The following LRP6 variants were observed in gnomAD, a reference collection of about 807,000 sequenced individuals.
The protein encoded by LRP6 is low-density lipoprotein receptor-related protein 6.
A neutral mutation model predicts 184.1 loss-of-function variants in LRP6; 43 were observed. The observed-to-expected ratio is 0.23, with a 90% CI of 0.18 to 0.30. The LOEUF (loss-of-function observed/expected upper bound fraction) is 0.30, where lower values mean the gene tolerates loss of function less well. Among genes scored for constraint, LRP6 ranks in the 10% least tolerant of loss-of-function variants. The pLI is 1.00. For synonymous variants in LRP6, 719 were observed against 684.9 expected (o/e 1.05, Z -0.78); for missense variants, 1,571 against 2,005.3 (o/e 0.78, Z 4.14).
intron 2 of LRP6, among the ~76,000 whole-genome samples, chr12:12,240,554 A>C (rs955716049): frequency 5.9e-5 from 9 of 152,220 alleles, no homozygotes; most frequent in African/African-American, 2.2e-4. Flanking sequence ...CCTGGGCAAC[A>C]GAGTGAGACT....
intron 16 of LRP6, among the ~76,000 whole-genome samples, chr12:12,136,498 A>G (rs1252150997): frequency 6.6e-6 from 1 of 152,222 alleles, no homozygotes; most frequent in Non-Finnish European, 1.5e-5. Context: ...TAAAGAAACC[A>G]CTAGGCAACT....
rs1565642802 is a variant in LRP6, at chr12:12,203,288, T to A, written c.562A>T (p.Thr188Ser). The change falls in exon 3 of 23, where the codon ACT becomes TCT. Residue 188 changes from threonine (T) to serine (S), a missense_variant. Transcript: ENST00000261349. The stretch of plus-strand genomic sequence containing the variant: ...AGCTTTTGTTCTTCATAATCCAAAG[T>A]CAGTCCATTTGGCCAGTAAATTTCA... The part of the protein sequence containing the change: ...NSEIYWPNGL[T>S]LDYEEQKLYW... The A allele has an allele frequency of 6.2e-7, 1 of 1,613,928 alleles. No individual in the cohort carries two copies. The highest frequency in any genetic ancestry group is 8.5e-7 in the Non-Finnish European group (1 of 1,179,822).
At chr12:12,252,990 C>A (rs539629436) in intron 1 of LRP6, among the ~76,000 whole-genome samples, 4 of 152,146 alleles carry the variant, frequency 2.6e-5, no homozygotes. Flanking sequence ...ATCGGCTGGG[C>A]GCAGTTGCTC....
chr12:12,210,259 A>T (rs1023516268), intron 2 of LRP6, among the ~76,000 whole-genome samples: 2 of 152,224 alleles, frequency 1.3e-5, no homozygotes, highest in African/African-American at 4.8e-5. Flanking sequence ...GACTGGATCA[A>T]TATGAAAGAG....
rs527990704 is a variant in LRP6, at chr12:12,144,962, A to G, written c.3397+2404T>C. 1.1e-4 allele frequency among the ~76,000 whole-genome samples: 16 copies of G among 152,248 alleles called. No individual in the cohort carries two copies. In the East Asian group the frequency reaches 3.1e-3, roughly 29 times the overall value. On this transcript the variant is annotated intron_variant, in intron 15 of 22. Transcript: ENST00000261349. The stretch of plus-strand genomic sequence containing the variant: ...TAGCATTAGGAGAAATACCTAATGT[A>G]AATTACTAGTTAATGGGTGCAGCAA...
chr12:12,170,919 G>A (rs1466425872), intron 7 of LRP6, among the ~76,000 whole-genome samples: 1 of 151,892 alleles, frequency 6.6e-6, no homozygotes, highest in East Asian at 1.9e-4. Flanking sequence ...TAGTTAGAAG[G>A]AGCAACAAAG....
intron 1 of LRP6, among the ~76,000 whole-genome samples, chr12:12,246,247 C>G (rs935449301): frequency 6.6e-6 from 1 of 151,776 alleles, no homozygotes. Flanking sequence ...CTCCGGTGAT[C>G]CACCCGCCAG....
chr12:12,158,268 T>G (rs1327612016), intron 12 of LRP6, among the ~76,000 whole-genome samples: 1 of 152,222 alleles, frequency 6.6e-6, no homozygotes, highest in Non-Finnish European at 1.5e-5. Context: ...ATAAATATGA[T>G]GCATGAAACT....
At chr12:12,199,835 G>A (rs544560529) in intron 3 of LRP6, among the ~76,000 whole-genome samples, 5 of 151,612 alleles carry the variant, frequency 3.3e-5, no homozygotes, top group South Asian at 4.2e-4. Flanking sequence ...GTGGTGGTGC[G>A]CACCTGTAAT....
At position 12,120,031 on chromosome 12, in the gene LRP6, ATATATAT is replaced by A; in HGVS notation, c.*1088_*1094del. 8.4e-6 allele frequency: 1 copy of A among 118,344 alleles called. No homozygotes were observed. The highest frequency in any genetic ancestry group is 2.6e-4 in the South Asian group (1 of 3,846). 7.3% of individuals were successfully genotyped at this position (118,344 alleles called of 1,614,324 possible). Reference sequence around the variant, plus strand: ...TATATATATATATATATATATATATATATATATATATAAATGATTTCGTACTGTGATA... The same window carrying A: ...TATATATATATATATATATATATATAATATAAATGATTTCGTACTGTGATA... On this transcript the variant is annotated 3_prime_UTR_variant, in exon 23 of 23. Transcript: ENST00000261349.
At chr12:12,197,677 T>C (rs978284737) in intron 3 of LRP6, among the ~76,000 whole-genome samples, 2 of 152,222 alleles carry the variant, frequency 1.3e-5, no homozygotes, top group Non-Finnish European at 2.9e-5. Flanking sequence ...TAATACTCAC[T>C]TACTTGATGC....
rs957096424 is a variant in LRP6, at chr12:12,172,842, A to C, written c.1545+6968T>G. Among the ~76,000 whole-genome samples the C allele has an allele frequency of 3.3e-5, 5 of 152,252 alleles. No homozygotes were observed. In the East Asian group the frequency reaches 9.6e-4, roughly 29 times the overall value. On this transcript the variant is annotated intron_variant, in intron 7 of 22. Coordinates refer to ENST00000261349, the MANE Select transcript of LRP6 (RefSeq NM_002336.3). Reference sequence around the variant, plus strand: ...TATAAAGAAATGCTTTGGACCCAGTAGGTGAAGTAAAGGGACACCACACAC... The same window carrying C: ...TATAAAGAAATGCTTTGGACCCAGTCGGTGAAGTAAAGGGACACCACACAC...
At chr12:12,228,042 G>A (rs1325467907) in intron 2 of LRP6, among the ~76,000 whole-genome samples, 1 of 152,132 alleles carries the variant, frequency 6.6e-6, no homozygotes, top group Non-Finnish European at 1.5e-5. Context: ...ATTTCCCCGA[G>A]AGTAGCTAAA....
At position 12,120,932 on chromosome 12, in the gene LRP6, C is replaced by T. The variant is rs902368780; in HGVS notation, c.*194G>A. ...TTTTATGGCACAAGCAGCAAATCTGCTGTTTTAAGAAAATATATAAATATC... is the reference window on the plus strand; with the variant it reads ...TTTTATGGCACAAGCAGCAAATCTGTTGTTTTAAGAAAATATATAAATATC... On this transcript the variant is annotated 3_prime_UTR_variant, in exon 23 of 23. Transcript: ENST00000261349. The T allele has an allele frequency of 2.1e-6, 1 of 465,444 alleles. No individual in the cohort carries two copies. The allele number at this position is 465,444 out of a possible 1,614,324, so 28.8% of individuals were successfully genotyped here. A position where few individuals can be genotyped will look rare whatever the true frequency, so the allele number is the denominator to read the frequency against.
At chr12:12,196,934 G>A (rs943585313) in intron 3 of LRP6, among the ~76,000 whole-genome samples, 3 of 151,994 alleles carry the variant, frequency 2.0e-5, no homozygotes, top group Non-Finnish European at 2.9e-5. Context: ...TTATAAAATG[G>A]TGGTATTGCA....
chr12:12,242,446 C>CT (rs1865090765), intron 2 of LRP6, among the ~76,000 whole-genome samples: 1 of 152,164 alleles, frequency 6.6e-6, no homozygotes, highest in African/African-American at 2.4e-5. Flanking sequence ...GAAAAAAGAA[C>CT]TTTATCTTTT....
At chr12:12,152,316 T>C (rs969758175) in intron 12 of LRP6, among the ~76,000 whole-genome samples, 1 of 152,198 alleles carries the variant, frequency 6.6e-6, no homozygotes, top group African/African-American at 2.4e-5. Flanking sequence ...TATGTCTTTA[T>C]CAACCGCATG....
At chr12:12,204,583 TA>T (rs1245702030) in intron 2 of LRP6, among the ~76,000 whole-genome samples, 2 of 152,086 alleles carry the variant, frequency 1.3e-5, no homozygotes, top group Non-Finnish European at 2.9e-5. Flanking sequence ...ATGAGAAGTC[TA>T]AAAGTCTCAT....
chr12:12,247,103 G>T (rs960702483), intron 1 of LRP6, among the ~76,000 whole-genome samples: 1 of 152,110 alleles, frequency 6.6e-6, no homozygotes, highest in African/African-American at 2.4e-5. Context: ...ACATCACACT[G>T]ATTTATCAGT....
Sources: gnomAD v4.1 joint callset for allele counts (sites outside exome capture counted in the v4.1 genomes callset) on GRCh38, gnomAD v4.1.1 for gene constraint, MANE v1.5 for transcripts, NCBI Gene and HGNC (gene_info 2026-07-23, HGNC 2026-07-21) for gene names.